ITGA11: variants seen among roughly 807,000 people sequenced by gnomAD.
ITGA11 encodes integrin subunit alpha 11.
Under a neutral mutation model 141.9 loss-of-function variants are expected in ITGA11, and 97 were observed. That is an observed-to-expected ratio of 0.68 (90% CI 0.58 to 0.81). The LOEUF is 0.81. ITGA11 is among the 30% of genes least tolerant of loss of function. The pLI, the probability that ITGA11 is intolerant of heterozygous loss-of-function variation, is 0.00. For missense variants in ITGA11, 1,387 were observed against 1,559.2 expected, an observed-to-expected ratio of 0.89 and a Z score of 1.86; for synonymous variants, 658 against 624.6, an observed-to-expected ratio of 1.05 and a Z score of -0.80.
chr15:68,410,309 A>G (rs748946866), intron 1 of ITGA11, among the ~76,000 whole-genome samples: 1 of 152,144 alleles, frequency 6.6e-6, no homozygotes, highest in Non-Finnish European at 1.5e-5. Context: ...TGTAAGCAAG[A>G]GCTTTCATTT....
At chr15:68,376,667 A>G (rs922067654) in intron 2 of ITGA11, among the ~76,000 whole-genome samples, 6 of 152,272 alleles carry the variant, frequency 3.9e-5, no homozygotes, top group East Asian at 1.9e-4. Context: ...GGTTGACCCA[A>G]CTGGATGAAT....
chr15:68,408,731 C>T (rs1029573355), intron 1 of ITGA11, among the ~76,000 whole-genome samples: 3 of 152,036 alleles, frequency 2.0e-5, no homozygotes, highest in Admixed American at 6.6e-5. Flanking sequence ...AATGTGGAGC[C>T]GGGGAAAAGA....
intron 7 of ITGA11, among the ~76,000 whole-genome samples, chr15:68,356,491 T>A (rs927930599): frequency 6.6e-6 from 1 of 152,180 alleles, no homozygotes; most frequent in Admixed American, 6.5e-5. Flanking sequence ...ACTCCATTGA[T>A]GACTAACACT....
At chr15:68,332,290 A>G (rs1296284722) in intron 13 of ITGA11, 48 bp downstream of exon 13, 2 of 1,564,228 alleles carry the variant, frequency 1.3e-6, no homozygotes, top group African/African-American at 1.4e-5. Context: ...AAGTCAAAGC[A>G]GAGGTTGGGG....
chr15:68,400,664 ATTAT>A, intron 2 of ITGA11, among the ~76,000 whole-genome samples: 1 of 47,658 alleles, frequency 2.1e-5, no homozygotes, highest in Non-Finnish European at 3.4e-5. Flanking sequence ...TAATAAATAT[ATTAT>A]ATATTATATA....
intron 5 of ITGA11, among the ~76,000 whole-genome samples, chr15:68,360,432 T>A (rs754798376): frequency 3.3e-5 from 5 of 152,186 alleles, no homozygotes; most frequent in Non-Finnish European, 5.9e-5. Context: ...GGGCTACGGT[T>A]CCTAAACATG....
intron 7 of ITGA11, among the ~76,000 whole-genome samples, chr15:68,356,240 C>T (rs961385441): frequency 1.8e-4 from 28 of 151,912 alleles, no homozygotes; most frequent in African/African-American, 2.9e-4. Flanking sequence ...GGACTACAAG[C>T]GCATGCCGCC....
chr15:68,386,380 C>T (rs920137656), intron 2 of ITGA11, among the ~76,000 whole-genome samples: 1 of 152,142 alleles, frequency 6.6e-6, no homozygotes, highest in Non-Finnish European at 1.5e-5. Context: ...TCAGGACACC[C>T]AATTCCACAG....
At chr15:68,430,086 G>T (rs2140448561) in intron 1 of ITGA11, among the ~76,000 whole-genome samples, 1 of 152,300 alleles carries the variant, frequency 6.6e-6, no homozygotes, top group East Asian at 1.9e-4. Flanking sequence ...AGATGTCATT[G>T]TTCCAACATT....
chr15:68,393,925 C>G (rs1896173549), intron 2 of ITGA11, among the ~76,000 whole-genome samples: 1 of 152,080 alleles, frequency 6.6e-6, no homozygotes, highest in African/African-American at 2.4e-5. Flanking sequence ...AAGGACAGGA[C>G]AGGGGACTGG....
At chr15:68,413,350 C>T (rs765217488) in intron 1 of ITGA11, among the ~76,000 whole-genome samples, 14 of 152,200 alleles carry the variant, frequency 9.2e-5, no homozygotes, top group Admixed American at 4.6e-4. Context: ...CTGTGTTAGT[C>T]CCCTCTATGG....
intron 2 of ITGA11, among the ~76,000 whole-genome samples, chr15:68,381,174 T>C (rs1166721629): frequency 1.3e-5 from 2 of 152,118 alleles, no homozygotes; most frequent in African/African-American, 2.4e-5. Context: ...ATTTTGAAAA[T>C]AGGGATTACC....
Position 68,304,710 on chromosome 15 carries a change from C to T in ITGA11, c.3382-825G>A, listed in dbSNP as rs185683600. Among the ~76,000 whole-genome samples the T allele has an allele frequency of 1.4e-3, 210 of 152,288 alleles. No homozygotes were observed. Among genetic ancestry groups the T allele is most frequent in the African/African-American group, 4.9e-3 (202 of 41,566 alleles). On this transcript the variant is annotated intron_variant, in intron 28 of 29. Coordinates refer to ENST00000315757, the MANE Select transcript of ITGA11 (RefSeq NM_001004439.2). The surrounding 1 kb of genome is among the most constrained non-coding windows in gnomAD (Gnocchi z 6.1). ...ACCAAGCTCTTAACACCCCAGCCCCCGAAGCCTGCTCTTTCCAGCTCTTTC... is the reference window on the plus strand; with the variant it reads ...ACCAAGCTCTTAACACCCCAGCCCCTGAAGCCTGCTCTTTCCAGCTCTTTC...
intron 7 of ITGA11, among the ~76,000 whole-genome samples, chr15:68,354,992 A>G (rs1478618306): frequency 6.6e-6 from 1 of 152,236 alleles, no homozygotes; most frequent in Admixed American, 6.5e-5. Flanking sequence ...GAAGATTGCA[A>G]CCTCAGCGGT....
chr15:68,367,538 C>T (rs1021931164), intron 3 of ITGA11, among the ~76,000 whole-genome samples: 1 of 152,206 alleles, frequency 6.6e-6, no homozygotes, highest in Non-Finnish European at 1.5e-5. Flanking sequence ...TCCCTCTCCA[C>T]TTCCATCACC....
At chr15:68,315,279 G>C (rs916571853) in intron 22 of ITGA11, among the ~76,000 whole-genome samples, 15 of 152,306 alleles carry the variant, frequency 9.8e-5, no homozygotes, top group African/African-American at 3.4e-4. Context: ...GATGGTGTGT[G>C]GAATAACCCC....
chr15:68,316,471 C>T (rs112567199), intron 21 of ITGA11, among the ~76,000 whole-genome samples: 94 of 152,296 alleles, frequency 6.2e-4, no homozygotes, highest in African/African-American at 2.2e-3. Context: ...AGTGGCTGGG[C>T]GTGGGTGGGG....
intron 2 of ITGA11, among the ~76,000 whole-genome samples, chr15:68,387,054 G>T (rs1896002235): frequency 6.6e-6 from 1 of 152,096 alleles, no homozygotes; most frequent in African/African-American, 2.4e-5. Context: ...AGGGGGAAAG[G>T]GAGGAGAATG....
At chr15:68,417,142 C>A (rs1896907651) in intron 1 of ITGA11, among the ~76,000 whole-genome samples, 1 of 152,078 alleles carries the variant, frequency 6.6e-6, no homozygotes. Context: ...CCAGGCCTGC[C>A]CTTTGAGCCC....
Sources: allele counts gnomAD v4.1 joint callset (sites outside exome capture counted in the v4.1 genomes callset), GRCh38; gene constraint gnomAD v4.1.1; non-coding constraint Gnocchi (gnomAD v3.1); transcripts MANE v1.5; gene names NCBI Gene and HGNC (gene_info 2026-07-23, HGNC 2026-07-21).